CFAP47: variants seen among roughly 807,000 people sequenced by gnomAD.
CFAP47 encodes cilia- and flagella-associated protein 47.
A neutral mutation model predicts 148.1 loss-of-function variants in CFAP47; 29 were observed. The observed-to-expected ratio is 0.20, with a 90% CI of 0.15 to 0.27. CFAP47 has a LOEUF of 0.27. CFAP47 is among the 10% of genes least tolerant of loss of function. The probability of loss-of-function intolerance (pLI) is 1.00; values close to 1 mark genes in which losing one functional copy is unlikely to be tolerated. For missense variants in CFAP47, 1,872 were observed against 1,697.5 expected, an observed-to-expected ratio of 1.10 and a Z score of -1.81; for synonymous variants, 664 against 577.3, an observed-to-expected ratio of 1.15 and a Z score of -2.15.
intron 39 of CFAP47, among the ~76,000 whole-genome samples, chrX:36,171,148 G>GT (rs1296069922): frequency 9.3e-6 from 1 of 108,095 alleles, no homozygotes; most frequent in Non-Finnish European, 1.9e-5. Context: ...GGGGTTGTTT[G>GT]TTTTTTTCTT....
intron 29 of CFAP47, among the ~76,000 whole-genome samples, chrX:36,074,885 T>G (rs1199290919): frequency 9.0e-6 from 1 of 111,549 alleles, no homozygotes; most frequent in Non-Finnish European, 1.9e-5. Context: ...TCATGTAATA[T>G]TCATCTTTCT....
chrX:36,302,306 CAT>C (rs1225347682), intron 53 of CFAP47, among the ~76,000 whole-genome samples: 3 of 110,895 alleles, frequency 2.7e-5, no homozygotes, highest in African/African-American at 9.8e-5. Flanking sequence ...ACAAAACTGA[CAT>C]ATAATGTTCT....
intron 45 of CFAP47, among the ~76,000 whole-genome samples, chrX:36,224,447 G>C: frequency 9.0e-6 from 1 of 111,689 alleles, no homozygotes; most frequent in Non-Finnish European, 1.9e-5. Flanking sequence ...AAAAGCCCAA[G>C]TGGATCATAT....
chrX:36,078,474 G>C (rs746358659), intron 29 of CFAP47, among the ~76,000 whole-genome samples: 1 of 110,410 alleles, frequency 9.1e-6, no homozygotes, highest in East Asian at 2.9e-4. Context: ...TCTTTGTCTC[G>C]TTTGATCTTT....
chrX:35,950,997 C>T, intron 4 of CFAP47, 134 bp from the exon 5 acceptor site: 1 of 475,176 alleles, frequency 2.1e-6, no homozygotes, highest in Non-Finnish European at 3.6e-6. Context: ...AAAGGAACTA[C>T]TCTTAGGCTA....
chrX:36,210,656 G>T (rs782657612), intron 45 of CFAP47, among the ~76,000 whole-genome samples: 1 of 111,920 alleles, frequency 8.9e-6, no homozygotes, highest in Admixed American at 9.5e-5. Flanking sequence ...TCTGTAAGTT[G>T]TCTTTTTACT....
chrX:36,033,384 A>G (rs1201672961), intron 23 of CFAP47, among the ~76,000 whole-genome samples: 1 of 111,934 alleles, frequency 8.9e-6, no homozygotes, highest in East Asian at 2.8e-4. Flanking sequence ...AGAAAAAATA[A>G]CACTAAACAT....
intron 33 of CFAP47, among the ~76,000 whole-genome samples, chrX:36,132,848 T>C (rs1367568183): frequency 9.0e-6 from 1 of 111,587 alleles, no homozygotes; most frequent in Non-Finnish European, 1.9e-5. Flanking sequence ...TTGTGATGGG[T>C]TGAACAAAAA....
At position 35,997,383 on chromosome X, in the gene CFAP47, C is replaced by A; in HGVS notation, c.3171C>A (p.Ile1057=). 1 of 294,936 alleles carries A rather than the reference C, an allele frequency of 3.4e-6. No homozygotes were observed. Among genetic ancestry groups the A allele is most frequent in the South Asian group, 2.0e-4 (1 of 4,994 alleles). The allele number at this position is 294,936 out of a possible 1,213,427, so 24.3% of individuals were successfully genotyped here. ...CTGCTGAAATTGCTGATGTAGAAAT[C>A]AATCCTGTGAGTATGTTACTTATTT... The part of the protein sequence containing the change: ...GGSAEIADVE[I]NPDVFNFSGA... Residue 1057 remains isoleucine (I), a synonymous_variant, in exon 19 of 64, where the codon ATC becomes ATA. Transcript: ENST00000378653.
At chrX:36,158,263 G>A (rs1366990540) in intron 37 of CFAP47, among the ~76,000 whole-genome samples, 1 of 111,945 alleles carries the variant, frequency 8.9e-6, no homozygotes, top group East Asian at 2.8e-4. Context: ...GTTATGGGAT[G>A]TATAATGGTA....
At position 36,039,070 on chromosome X, in the gene CFAP47, G is replaced by A; in HGVS notation, c.3898G>A (p.Val1300Ile). The part of the protein sequence containing the change: ...CYKILHLTGE[V>I]KSPELLFDPP... ...TAAAATATTACATCTTACTGGGGAA[G>A]TAAAATCACCAGAGTTATTGTTTGA... Residue 1300 changes from valine (V) to isoleucine (I), a missense_variant, in exon 25 of 64, where the codon GTA becomes ATA. Transcript: ENST00000378653. 3 of 1,115,878 alleles carry A rather than the reference G, an allele frequency of 2.7e-6. No homozygotes were observed. The highest frequency in any genetic ancestry group is 2.4e-6 in the Non-Finnish European group (2 of 829,296). 92.0% of individuals were successfully genotyped at this position (1,115,878 alleles called of 1,213,427 possible).
chrX:35,935,133 A>G (rs1296890380), intron 2 of CFAP47, among the ~76,000 whole-genome samples: 1 of 111,323 alleles, frequency 9.0e-6, no homozygotes, highest in African/African-American at 3.3e-5. Context: ...TTAACACTAG[A>G]ACTCATCTAG....
chrX:36,357,680 C>T (rs1023875303), intron 60 of CFAP47, among the ~76,000 whole-genome samples: 6 of 111,530 alleles, frequency 5.4e-5, no homozygotes, highest in African/African-American at 2.0e-4. Flanking sequence ...TTTGCAGTGT[C>T]ACTTCTGTAA....
At chrX:36,016,740 CTT>C (rs1937100999) in intron 22 of CFAP47, among the ~76,000 whole-genome samples, 4 of 72,909 alleles carry the variant, frequency 5.5e-5, no homozygotes, top group African/African-American at 2.0e-4. Context: ...AAACTTCAAA[CTT>C]TTCTCCATAG....
At chrX:36,232,794 C>A (rs2146905531) in intron 46 of CFAP47, among the ~76,000 whole-genome samples, 1 of 111,760 alleles carries the variant, frequency 8.9e-6, no homozygotes. Context: ...AAATGTGTCC[C>A]AGAGATTCTG....
At chrX:36,104,275 A>G (rs1407185746) in intron 32 of CFAP47, among the ~76,000 whole-genome samples, 1 of 111,997 alleles carries the variant, frequency 8.9e-6, no homozygotes, top group African/African-American at 3.2e-5. Flanking sequence ...TATACAGTGT[A>G]GTTCCTTAAG....
chrX:36,228,504 C>G (rs1940297387), intron 45 of CFAP47, 124 bp from the exon 46 acceptor site: 1 of 445,266 alleles, frequency 2.2e-6, no homozygotes, highest in Non-Finnish European at 4.0e-6. Context: ...ATTGTGTTAT[C>G]CCAGTGAAAC....
In CFAP47 at chrX:36,287,588, T is replaced by A. The variant is rs1190297131; in HGVS notation, c.7686+1862T>A. Among the ~76,000 whole-genome samples the A allele has an allele frequency of 2.7e-5, 3 of 111,427 alleles. No individual in the cohort carries two copies. In the Admixed American group the frequency reaches 2.9e-4, roughly 11 times the overall value. The stretch of plus-strand genomic sequence containing the variant: ...GGCAGGAATGAAACTTCTTAACACA[T>A]GACAGCTGCTAGATAGTTTCCTTGT... On this transcript the variant is annotated intron_variant, in intron 51 of 63. Coordinates refer to ENST00000378653, the MANE Select transcript of CFAP47 (RefSeq NM_001304548.2).
intron 22 of CFAP47, among the ~76,000 whole-genome samples, 194 bp downstream of exon 22, chrX:36,015,106 A>G (rs1349930618): frequency 9.0e-6 from 1 of 110,986 alleles, no homozygotes; most frequent in Non-Finnish European, 1.9e-5. Flanking sequence ...CAGCGCAGAT[A>G]TAATCTCTGG....
Sources: allele counts gnomAD v4.1 joint callset (sites outside exome capture counted in the v4.1 genomes callset), GRCh38; gene constraint gnomAD v4.1.1; transcripts MANE v1.5; gene names NCBI Gene and HGNC (gene_info 2026-07-23, HGNC 2026-07-21).